The following AK8 variants were observed in gnomAD, a reference collection of about 807,000 sequenced individuals.
AK8 encodes adenylate kinase 8, also known as ATP-AMP transphosphorylase 8.
In AK8, 44 loss-of-function variants were observed where a neutral mutation model predicts 54.6. That is an observed-to-expected ratio of 0.81 (90% CI 0.63 to 1.04). The LOEUF is 1.04. Among genes scored for constraint, AK8 ranks in the 50% least tolerant of loss-of-function variants. The pLI, the probability that AK8 is intolerant of heterozygous loss-of-function variation, is 0.00. For missense variants in AK8, 555 were observed against 613.6 expected, an observed-to-expected ratio of 0.90 and a Z score of 1.01; for synonymous variants, 239 against 245.6, an observed-to-expected ratio of 0.97 and a Z score of 0.25.
chr9:132,865,010 G>GT (rs1203339729), intron 3 of AK8, among the ~76,000 whole-genome samples: 1 of 152,168 alleles, frequency 6.6e-6, no homozygotes, highest in South Asian at 2.1e-4. Context: ...CTAACTACTA[G>GT]TTTTTTGGGG....
intron 9 of AK8, among the ~76,000 whole-genome samples, chr9:132,815,477 T>C (rs542908485): frequency 1.6e-4 from 24 of 151,396 alleles, no homozygotes; most frequent in African/African-American, 5.8e-4. Context: ...CACTTGAACC[T>C]GGGAGGTGGA....
chr9:132,754,473 G>A lies in AK8; in HGVS notation c.1122-26939C>T, dbSNP rs557902105. ...ATGTTCGTGGAAGATCAGTAAGCAT[G>A]CAAATGAGAGAACAGGATCGGCCCC... On this transcript the variant is annotated intron_variant, in intron 11 of 12. Transcript: ENST00000298545. 2.4e-3 allele frequency among the ~76,000 whole-genome samples: 359 copies of A among 152,324 alleles called. 4 individuals carry two copies. Among genetic ancestry groups the A allele is most frequent in the African/African-American group, 8.2e-3 (341 of 41,570 alleles).
chr9:132,746,067 G>A (rs1021700941), intron 11 of AK8, among the ~76,000 whole-genome samples: 1 of 152,140 alleles, frequency 6.6e-6, no homozygotes, highest in South Asian at 2.1e-4. Context: ...TTAGGGAGAC[G>A]CTGCCTTCAT....
Position 132,792,675 on chromosome 9 carries a change from G to A in AK8, c.1080C>T (p.Asp360=), listed in dbSNP as rs749835332. The A allele has an allele frequency of 5.1e-6, 8 of 1,555,660 alleles. 1 individual carries two copies. The South Asian group carries it at 8.3e-5, about 16-fold the overall frequency. ...CCAGGCGGTTCAGCAGGTGTGCCTGGTCGAGGTCCCGCGGGACGCCGTGTA... is the reference window on the plus strand; with the variant it reads ...CCAGGCGGTTCAGCAGGTGTGCCTGATCGAGGTCCCGCGGGACGCCGTGTA... ...WVLHGVPRDL[D]QAHLLNRLGY... is the part of the protein sequence containing the mutation. The change falls in exon 11 of 13, where the codon GAC becomes GAT. Residue 360 remains aspartate, a synonymous_variant. Transcript: ENST00000298545.
intron 11 of AK8, among the ~76,000 whole-genome samples, chr9:132,760,806 C>T (rs1309793370): frequency 6.6e-6 from 1 of 152,054 alleles, no homozygotes; most frequent in Admixed American, 6.6e-5. Context: ...TTATCCAATG[C>T]TTTGTCTTCA....
chr9:132,727,577 G>A (rs780768256), intron 11 of AK8, 43 bp from the exon 12 acceptor site: 2 of 1,566,842 alleles, frequency 1.3e-6, no homozygotes, highest in East Asian at 2.3e-5. Context: ...TTTATTTCCT[G>A]TATTTTATGA....
chr9:132,846,929 G>A (rs1236694791), intron 5 of AK8, among the ~76,000 whole-genome samples: 1 of 152,254 alleles, frequency 6.6e-6, no homozygotes, highest in Non-Finnish European at 1.5e-5. Flanking sequence ...AAGCTGCTGG[G>A]CGTAGTGCCT....
chr9:132,862,948 C>T (rs577341135), intron 4 of AK8, among the ~76,000 whole-genome samples: 15 of 152,240 alleles, frequency 9.9e-5, no homozygotes, highest in East Asian at 7.7e-4. Flanking sequence ...GCAGGGACTA[C>T]AGGCACGTGC....
At chr9:132,794,402 C>G (rs771351172) in intron 10 of AK8, among the ~76,000 whole-genome samples, 1 of 152,134 alleles carries the variant, frequency 6.6e-6, no homozygotes, top group Non-Finnish European at 1.5e-5. Flanking sequence ...CTCCTCCATC[C>G]GGAACACCCT....
At chr9:132,813,023 G>C (rs1754428) in intron 10 of AK8, among the ~76,000 whole-genome samples, 1,772 of 40,234 alleles carry the variant, frequency 0.044, no homozygotes, top group East Asian at 0.095. Flanking sequence ...TGCACCTACA[G>C]AGATCACCTC....
At chr9:132,756,530 C>G (rs568086717) in intron 11 of AK8, among the ~76,000 whole-genome samples, 19 of 152,328 alleles carry the variant, frequency 1.2e-4, no homozygotes, top group African/African-American at 4.3e-4. Flanking sequence ...GCACTGATAA[C>G]AAATCTATGT....
intron 11 of AK8, among the ~76,000 whole-genome samples, chr9:132,737,011 G>A (rs1837153644): frequency 1.3e-5 from 2 of 152,112 alleles, no homozygotes; most frequent in African/African-American, 4.8e-5. Context: ...AATGAGTCTA[G>A]AGTTTCAGTT....
chr9:132,805,955 ATT>A (rs1840703348), intron 10 of AK8, among the ~76,000 whole-genome samples: 2 of 152,078 alleles, frequency 1.3e-5, no homozygotes, highest in Admixed American at 6.5e-5. Context: ...GGGGGCATCC[ATT>A]AATAAACCTC....
At chr9:132,794,310 T>C (rs930623786) in intron 10 of AK8, among the ~76,000 whole-genome samples, 5 of 152,048 alleles carry the variant, frequency 3.3e-5, no homozygotes, top group African/African-American at 1.2e-4. Flanking sequence ...TAAAGAGCAG[T>C]CTCCTTTCCA....
At chr9:132,822,309 A>G (rs189384781) in intron 9 of AK8, among the ~76,000 whole-genome samples, 7 of 145,596 alleles carry the variant, frequency 4.8e-5, no homozygotes, top group Admixed American at 1.4e-4. Flanking sequence ...AAATATATAC[A>G]TATATGTGTA....
At chr9:132,775,592 A>G (rs1207993670) in intron 11 of AK8, among the ~76,000 whole-genome samples, 1 of 152,190 alleles carries the variant, frequency 6.6e-6, no homozygotes, top group African/African-American at 2.4e-5. Flanking sequence ...TACAGGCATG[A>G]GCCACTGTGC....
At chr9:132,778,822 T>C (rs1456199275) in intron 11 of AK8, among the ~76,000 whole-genome samples, 1 of 152,114 alleles carries the variant, frequency 6.6e-6, no homozygotes, top group East Asian at 1.9e-4. Flanking sequence ...TTATAAACAT[T>C]GGTAAATGCC....
chr9:132,733,967 C>A (rs1020761756), intron 11 of AK8, among the ~76,000 whole-genome samples: 1 of 151,986 alleles, frequency 6.6e-6, no homozygotes, highest in Non-Finnish European at 1.5e-5. Flanking sequence ...GCCTCTAATC[C>A]CTGCTCCAGG....
At chr9:132,849,041 T>C (rs1398370747) in intron 5 of AK8, among the ~76,000 whole-genome samples, 2 of 151,756 alleles carry the variant, frequency 1.3e-5, no homozygotes, top group Non-Finnish European at 2.9e-5. Context: ...CCTGAGTAGC[T>C]GGGACTACAG....
Sources: gnomAD v4.1 joint callset for allele counts (sites outside exome capture counted in the v4.1 genomes callset) on GRCh38, gnomAD v4.1.1 for gene constraint, MANE v1.5 for transcripts, NCBI Gene and HGNC (gene_info 2026-07-23, HGNC 2026-07-21) for gene names.